The following ZAR1L variants were observed in gnomAD, a reference collection of about 807,000 sequenced individuals.
The protein encoded by ZAR1L is protein ZAR1-like.
A neutral mutation model predicts 30.0 loss-of-function variants in ZAR1L; 16 were observed. The ratio of observed to expected loss-of-function variants is 0.53; its 90% CI spans 0.36 to 0.81. The LOEUF (loss-of-function observed/expected upper bound fraction) is 0.81, where lower values mean the gene tolerates loss of function less well. Among genes scored for constraint, ZAR1L ranks in the 30% least tolerant of loss-of-function variants. The probability of loss-of-function intolerance (pLI) is 0.00; values close to 1 mark genes in which losing one functional copy is unlikely to be tolerated. For missense variants in ZAR1L, 392 were observed against 417.2 expected, an observed-to-expected ratio of 0.94 and a Z score of 0.53; for synonymous variants, 197 against 166.8, an observed-to-expected ratio of 1.18 and a Z score of -1.40.
In ZAR1L at chr13:32,310,686, T is replaced by G; in HGVS notation, c.700A>C (p.Thr234Pro). Reference protein sequence around the residue: ...YGYFHCKDCKTRWESAYVWCI... With the variant: ...YGYFHCKDCKPRWESAYVWCI... ...CACACGTAAGCACTCTCCCACCTGG[T>G]CTTACAATCTTTACAGTGGAAATAG... is the stretch of plus-strand genomic sequence containing the variant. Residue 234 changes from threonine (T) to proline (P), a missense_variant, in exon 4 of 6, where the codon ACC (threonine) becomes CCC (proline). Thr to Pro is a conservative substitution (Grantham distance 38). Coordinates refer to ENST00000533490, the MANE Select transcript of ZAR1L (RefSeq NM_001136571.2). The G allele has an allele frequency of 6.4e-7, 1 of 1,551,790 alleles. No homozygotes were observed. Among genetic ancestry groups the G allele is most frequent in the East Asian group, 2.4e-5 (1 of 40,920 alleles).
rs1246517240 is a variant in ZAR1L, at chr13:32,311,398, G to C, written c.528C>G (p.Asp176Glu). ...PQPPSRRSGADRQEEPGQLEE... is the reference protein window; with the variant it reads ...PQPPSRRSGAERQEEPGQLEE... The stretch of plus-strand genomic sequence containing the variant: ...CCAGCTGCCCGGGCTCCTCCTGCCT[G>C]TCAGCTCCTGACCTCCGTGATGGTG... Residue 176 changes from aspartate (D) to glutamate (E), a missense_variant, in exon 3 of 6, where the codon GAC (aspartate) becomes GAG (glutamate). By Grantham distance (45) the Asp-to-Glu change is conservative. Coordinates refer to ENST00000533490, the MANE Select transcript of ZAR1L (RefSeq NM_001136571.2). The C allele has an allele frequency of 1.3e-6, 2 of 1,550,544 alleles. No homozygotes were observed. Among genetic ancestry groups the C allele is most frequent in the South Asian group, 2.4e-5 (2 of 84,068 alleles).
intron 2 of ZAR1L, among the ~76,000 whole-genome samples, chr13:32,312,889 C>A (rs2072224724): frequency 2.0e-5 from 3 of 151,954 alleles, no homozygotes; most frequent in African/African-American, 7.3e-5. Context: ...CTCAAACAAA[C>A]AAACAAACAA....
chr13:32,309,151 C>T (rs1033839371), intron 4 of ZAR1L, among the ~76,000 whole-genome samples: 3 of 152,030 alleles, frequency 2.0e-5, no homozygotes, highest in East Asian at 1.9e-4. Flanking sequence ...CCACCACACC[C>T]GGCTAATTTT....
At chr13:32,309,375 A>T (rs1366584654) in intron 4 of ZAR1L, among the ~76,000 whole-genome samples, 10 of 152,174 alleles carry the variant, frequency 6.6e-5, no homozygotes, top group Non-Finnish European at 1.5e-4. Flanking sequence ...TAGATACTCA[A>T]TGGGAAGTGG....
intron 4 of ZAR1L, 123 bp downstream of exon 4, chr13:32,310,516 G>T (rs206110): frequency 0.61 from 423,370 of 693,158 alleles, 130,662 homozygotes; most frequent in East Asian, 0.76. Flanking sequence ...CACCTGGCAC[G>T]GGGGATGCCA....
At position 32,314,469 on chromosome 13, in the gene ZAR1L, A is replaced by G. The variant is rs2072235299; in HGVS notation, c.-308T>C. The G allele has an allele frequency of 6.6e-6, 1 of 152,286 alleles. No homozygotes were observed. Among genetic ancestry groups the G allele is most frequent in the African/African-American group, 2.4e-5 (1 of 41,476 alleles). 9.4% of individuals were successfully genotyped at this position (152,286 alleles called of 1,614,324 possible). A position where few individuals can be genotyped will look rare whatever the true frequency, so the allele number is the denominator to read the frequency against. On this transcript the variant is annotated 5_prime_UTR_variant, in exon 2 of 6. Transcript: ENST00000533490. ...AACAAACCCTATTCAGCCTTGTATT[A>G]GGCATGTTACAGAACCAACGAATTC...
chr13:32,306,119 A>G (rs2072172743), intron 5 of ZAR1L, among the ~76,000 whole-genome samples: 1 of 152,250 alleles, frequency 6.6e-6, no homozygotes, highest in Non-Finnish European at 1.5e-5. Flanking sequence ...CAATAGTTCA[A>G]TGGATGTTTT....
At chr13:32,305,957 G>C (rs567048056) in intron 5 of ZAR1L, among the ~76,000 whole-genome samples, 9 of 152,220 alleles carry the variant, frequency 5.9e-5, no homozygotes, top group African/African-American at 1.9e-4. Context: ...AGACTCACAG[G>C]GTATTGAGTT....
At chr13:32,305,237 CT>C (rs1026680331) in intron 5 of ZAR1L, among the ~76,000 whole-genome samples, 1 of 140,294 alleles carries the variant, frequency 7.1e-6, no homozygotes, top group South Asian at 2.2e-4. Context: ...TTTTTTTTTT[CT>C]TTTTTTGAGA....
Position 32,311,558 on chromosome 13 carries a change from G to T in ZAR1L, c.368C>A (p.Pro123His). 2 of 1,534,874 alleles carry T rather than the reference G, an allele frequency of 1.3e-6. No individual in the cohort carries two copies. Among genetic ancestry groups the T allele is most frequent in the Non-Finnish European group, 8.8e-7 (1 of 1,139,390 alleles). Residue 123 changes from proline (P) to histidine (H), a missense_variant, in exon 3 of 6, where the codon CCC (proline) becomes CAC (histidine). Pro to His is a moderately conservative substitution (Grantham distance 77, BLOSUM62 -2). Transcript: ENST00000533490. The stretch of plus-strand genomic sequence containing the variant: ...CCCACAGGCTGGCAGGGGCTCCTGG[G>T]GGTCTCTGCCGTCCCAGGGGGAGCA... ...SSCSPWDGRD[P>H]QEPLPACGVT...
chr13:32,308,075 A>C (rs1226904370), intron 5 of ZAR1L, among the ~76,000 whole-genome samples: 1 of 152,240 alleles, frequency 6.6e-6, no homozygotes, highest in Admixed American at 6.5e-5. Context: ...TGCTGGGATT[A>C]CAGGCATGAT....
intron 2 of ZAR1L, among the ~76,000 whole-genome samples, chr13:32,312,666 T>G (rs1316284913): frequency 1.3e-5 from 2 of 152,022 alleles, no homozygotes; most frequent in Non-Finnish European, 2.9e-5. Flanking sequence ...TGACCTAAGG[T>G]CAGGAGTTCG....
chr13:32,308,861 C>A, intron 4 of ZAR1L, 101 bp from the exon 5 acceptor site: 1 of 764,834 alleles, frequency 1.3e-6, no homozygotes, highest in South Asian at 1.7e-5. Context: ...TTGCTTTTAC[C>A]AACTTCTACC....
rs190106864 is a variant in ZAR1L at position 32,313,310 on chromosome 13, T to G, written c.-169+1020A>C. ...AATCATCTCACTGTGTACATATACA[T>G]GTTGTGCACATTAAATATATACAAC... On this transcript the variant is annotated intron_variant, in intron 2 of 5. Transcript: ENST00000533490. 3.9e-5 allele frequency among the ~76,000 whole-genome samples: 6 copies of G among 152,368 alleles called. No individual in the cohort carries two copies. The East Asian group carries it at 1.2e-3, about 29-fold the overall frequency.
chr13:32,311,750 C>T lies in ZAR1L; in HGVS notation c.176G>A (p.Cys59Tyr). 3 of 1,551,644 alleles carry T rather than the reference C, an allele frequency of 1.9e-6. No individual in the cohort carries two copies. Among genetic ancestry groups the T allele is most frequent in the African/African-American group, 1.4e-5 (1 of 73,162 alleles). Residue 59 changes from cysteine to tyrosine, a missense_variant, in exon 3 of 6, where the codon TGC (cysteine) becomes TAC (tyrosine). Cys to Tyr is a radical substitution (Grantham distance 194). Transcript: ENST00000533490. ...LLVPANAPDY[C>Y]IDPYKRAQLK... ...CTGCGCCCTCTTGTAAGGGTCAATG[C>T]AGTAGTCAGGGGCGTTCGCGGGCAC... is the stretch of plus-strand genomic sequence containing the variant.
At chr13:32,308,800 ACACACC>A (rs2072193591) in intron 4 of ZAR1L, 40 bp from the exon 5 acceptor site, 2 of 1,352,468 alleles carry the variant, frequency 1.5e-6, no homozygotes, top group Non-Finnish European at 2.1e-6. Context: ...AAGCTTTTAT[ACACACC>A]CACACCCTGC....
chr13:32,314,757 CAGG>C (rs371511794), intron 1 of ZAR1L, among the ~76,000 whole-genome samples: 107 of 152,246 alleles, frequency 7.0e-4, no homozygotes, highest in African/African-American at 2.6e-3. Context: ...GAGGCTGAGG[CAGG>C]AGAACCACTT....
chr13:32,312,570 T>C (rs1362719324), intron 2 of ZAR1L, among the ~76,000 whole-genome samples: 1 of 152,200 alleles, frequency 6.6e-6, no homozygotes, highest in Non-Finnish European at 1.5e-5. Context: ...AATGGAATAT[T>C]ATTCAGCCTT....
chr13:32,307,925 C>T (rs985851422), intron 5 of ZAR1L, among the ~76,000 whole-genome samples: 1 of 152,158 alleles, frequency 6.6e-6, no homozygotes, highest in African/African-American at 2.4e-5. Context: ...GCCTCAGCCT[C>T]CCGAGTAGCT....
Sources: gnomAD v4.1 joint callset for allele counts (sites outside exome capture counted in the v4.1 genomes callset) on GRCh38, gnomAD v4.1.1 for gene constraint, MANE v1.5 for transcripts, NCBI Gene and HGNC (gene_info 2026-07-23, HGNC 2026-07-21) for gene names.